The following SS18 variants were observed in gnomAD, a reference collection of about 807,000 sequenced individuals.
The protein encoded by SS18 is SS18 subunit of BAF chromatin remodeling complex.
SS18 carries 28 observed loss-of-function variants against 72.5 expected under a neutral mutation model. The observed-to-expected ratio is 0.39, with a 90% CI of 0.29 to 0.53. The LOEUF is 0.53. SS18 is among the 20% of genes least tolerant of loss of function. The probability of loss-of-function intolerance (pLI) is 0.76; values close to 1 mark genes in which losing one functional copy is unlikely to be tolerated. For synonymous variants in SS18, 172 were observed against 164.2 expected, an observed-to-expected ratio of 1.05 and a Z score of -0.37; for missense variants, 518 against 535.3, an observed-to-expected ratio of 0.97 and a Z score of 0.32.
At chr18:26,054,751 T>A (rs1014224507) in intron 4 of SS18, among the ~76,000 whole-genome samples, 3 of 151,984 alleles carry the variant, frequency 2.0e-5, no homozygotes, top group Non-Finnish European at 4.4e-5. Flanking sequence ...CTCTTTTTTT[T>A]TTTTTTGAGA....
At chr18:26,083,296 C>A (rs1301363410) in intron 2 of SS18, among the ~76,000 whole-genome samples, 2 of 152,078 alleles carry the variant, frequency 1.3e-5, no homozygotes, top group South Asian at 4.1e-4. Flanking sequence ...ATTTTGCTGA[C>A]TCAGTTGGTT....
intron 2 of SS18, chr18:26,080,259 C>A: frequency 1.3e-6 from 1 of 791,868 alleles, no homozygotes; most frequent in East Asian, 1.3e-4. Context: ...CATATCTTGC[C>A]ATTTTTTAAA....
intron 7 of SS18, among the ~76,000 whole-genome samples, chr18:26,036,974 AC>A (rs1173179784): frequency 6.6e-6 from 1 of 152,146 alleles, no homozygotes; most frequent in Non-Finnish European, 1.5e-5. Flanking sequence ...GCCCACAAAG[AC>A]TAAAGTATTT....
At chr18:26,042,463 T>C (rs1282312709) in intron 5 of SS18, among the ~76,000 whole-genome samples, 2 of 152,152 alleles carry the variant, frequency 1.3e-5, no homozygotes, top group Admixed American at 1.3e-4. Flanking sequence ...CACTTATCAT[T>C]AGCACATTAT....
intron 5 of SS18, among the ~76,000 whole-genome samples, chr18:26,041,256 C>A (rs1005707963): frequency 2.0e-5 from 3 of 152,060 alleles, no homozygotes; most frequent in African/African-American, 7.2e-5. Context: ...AACCCCAACT[C>A]TACTAAAATG....
At chr18:26,029,396 G>A (rs924383233) in intron 10 of SS18, among the ~76,000 whole-genome samples, 3 of 152,134 alleles carry the variant, frequency 2.0e-5, no homozygotes, top group Non-Finnish European at 4.4e-5. Context: ...GAGGAGGCAC[G>A]ATAAAATCAA....
At chr18:26,036,166 T>G (rs2053623167) in intron 7 of SS18, among the ~76,000 whole-genome samples, 1 of 149,764 alleles carries the variant, frequency 6.7e-6, no homozygotes. Flanking sequence ...GTCTTAAATC[T>G]GATAATCCTC....
chr18:26,037,136 A>T (rs2053639926), intron 7 of SS18, among the ~76,000 whole-genome samples: 2 of 152,150 alleles, frequency 1.3e-5, no homozygotes, highest in African/African-American at 4.8e-5. Flanking sequence ...GTCAGATATA[A>T]AGTAATATAC....
intron 5 of SS18, 116 bp downstream of exon 5, chr18:26,052,508 T>G: frequency 1.3e-6 from 1 of 763,244 alleles, no homozygotes. Context: ...TGGGCATGAC[T>G]GTCACTCACT....
intron 4 of SS18, among the ~76,000 whole-genome samples, chr18:26,057,204 A>C (rs1388792857): frequency 6.6e-6 from 1 of 152,186 alleles, no homozygotes; most frequent in Non-Finnish European, 1.5e-5. Context: ...TGTTTCTGAG[A>C]TCAATCAATA....
At chr18:26,088,669 GC>G (rs975089208) in intron 1 of SS18, among the ~76,000 whole-genome samples, 2 of 152,096 alleles carry the variant, frequency 1.3e-5, no homozygotes, top group Admixed American at 6.5e-5. Flanking sequence ...TGCCAGTTTT[GC>G]CATTTTGAGC....
chr18:26,049,373 A>G (rs1377118538), intron 5 of SS18, among the ~76,000 whole-genome samples: 1 of 152,230 alleles, frequency 6.6e-6, no homozygotes, highest in Non-Finnish European at 1.5e-5. Flanking sequence ...GTCCATCCTC[A>G]GGCATTTTTC....
At chr18:26,030,010 A>G (rs1012948365) in intron 10 of SS18, among the ~76,000 whole-genome samples, 1 of 152,306 alleles carries the variant, frequency 6.6e-6, no homozygotes, top group East Asian at 1.9e-4. Context: ...TATAGTCCCA[A>G]ATTCCTGAGA....
chr18:26,064,713 T>C (rs544444677), intron 3 of SS18: 13 of 152,138 alleles, frequency 8.5e-5, no homozygotes, highest in African/African-American at 2.6e-4. Flanking sequence ...ACATCACCAT[T>C]TCTATTCAAC....
intron 3 of SS18, among the ~76,000 whole-genome samples, chr18:26,075,915 A>T (rs1462440491): frequency 1.3e-5 from 2 of 151,950 alleles, no homozygotes; most frequent in African/African-American, 4.8e-5. Context: ...TAAACAGCAA[A>T]TGCAGCTAGA....
At chr18:26,083,834 A>T (rs1463739352) in intron 2 of SS18, among the ~76,000 whole-genome samples, 1 of 152,186 alleles carries the variant, frequency 6.6e-6, no homozygotes, top group African/African-American at 2.4e-5. Flanking sequence ...CCACAGTTAA[A>T]CCAAAGAAGT....
rs1415167562 is a variant in SS18 at position 26,030,471 on chromosome 18, G to A, written c.1230+1928C>T. Among the ~76,000 whole-genome samples the A allele has an allele frequency of 4.0e-5, 6 of 151,586 alleles. No homozygotes were observed. The East Asian group carries it at 1.2e-3, about 29-fold the overall frequency. ...TATCATATCATATGTTTACCCACCTGTATGCCATCTACACTTAAGTTCATA... is the reference window on the plus strand; with the variant it reads ...TATCATATCATATGTTTACCCACCTATATGCCATCTACACTTAAGTTCATA... On this transcript the variant is annotated intron_variant, in intron 10 of 10. Transcript: ENST00000415083.
intron 10 of SS18, chr18:26,023,468 T>C (rs1051193394): frequency 4.7e-5 from 17 of 363,186 alleles, no homozygotes; most frequent in Admixed American, 1.4e-4. Context: ...ATCAAACAAT[T>C]TGATAAAGGG....
intron 3 of SS18, among the ~76,000 whole-genome samples, chr18:26,077,055 T>C (rs537031705): frequency 6.6e-6 from 1 of 151,982 alleles, no homozygotes; most frequent in Admixed American, 6.6e-5. Flanking sequence ...AGAGGGATTA[T>C]AGAATTAGAA....
Sources: allele counts gnomAD v4.1 joint callset (sites outside exome capture counted in the v4.1 genomes callset), GRCh38; gene constraint gnomAD v4.1.1; transcripts MANE v1.5; gene names NCBI Gene and HGNC (gene_info 2026-07-23, HGNC 2026-07-21).